PLEKHG3: variants seen among roughly 807,000 people sequenced by gnomAD.
PLEKHG3 encodes the protein pleckstrin homology domain-containing family G member 3.
In PLEKHG3, 62 loss-of-function variants were observed where a neutral mutation model predicts 94.9. The observed-to-expected ratio is 0.65, with a 90% CI of 0.53 to 0.81. PLEKHG3 has a LOEUF of 0.81. PLEKHG3 is among the 30% of genes least tolerant of loss of function. The probability of loss-of-function intolerance (pLI) is 0.00; values close to 1 mark genes in which losing one functional copy is unlikely to be tolerated. For missense variants in PLEKHG3, 1,461 were observed against 1,619.3 expected (o/e 0.90, Z 1.68); for synonymous variants, 614 against 654.0 (o/e 0.94, Z 0.93).
chr14:64,734,772 G>A (rs2081539353), intron 12 of PLEKHG3, among the ~76,000 whole-genome samples: 2 of 148,354 alleles, frequency 1.3e-5, no homozygotes, highest in South Asian at 4.3e-4. Flanking sequence ...CCAGGCTGGA[G>A]TGCAGTGGCA....
chr14:64,716,010 G>A lies in PLEKHG3; in HGVS notation c.-40+11306G>A. ...TCACCCCAAGCCTGTTAACTGCTAG[G>A]TTGCCGGTGCTGGGGACAATGCGGC... On this transcript the variant is annotated intron_variant, in intron 1 of 16. Coordinates refer to ENST00000247226, the MANE Select transcript of PLEKHG3 (RefSeq NM_001308147.2). The surrounding 1 kb of genome is among the most constrained non-coding windows in gnomAD (Gnocchi z 5.0). The A allele has an allele frequency of 4.4e-6, 2 of 456,042 alleles. No homozygotes were observed. Among genetic ancestry groups the A allele is most frequent in the South Asian group, 1.5e-5 (1 of 64,544 alleles). The allele number at this position is 456,042 out of a possible 1,614,324, so 28.2% of individuals were successfully genotyped here. A position where few individuals can be genotyped will look rare whatever the true frequency, so the allele number is the denominator to read the frequency against.
At chr14:64,729,608 C>T (rs1446966043) in intron 3 of PLEKHG3, among the ~76,000 whole-genome samples, 4 of 152,102 alleles carry the variant, frequency 2.6e-5, no homozygotes, top group African/African-American at 4.8e-5. Flanking sequence ...CAGACTCCCC[C>T]GGGAAAGTGC....
chr14:64,749,640 C>T lies in PLEKHG3; in HGVS notation c.*5937C>T, dbSNP rs1422229546. 2 of 1,613,536 alleles carry T rather than the reference C, an allele frequency of 1.2e-6. No homozygotes were observed. The highest frequency in any genetic ancestry group is 1.7e-6 in the Non-Finnish European group (2 of 1,179,918). On this transcript the variant is annotated 3_prime_UTR_variant, in exon 17 of 17. Transcript: ENST00000247226. The surrounding 1 kb of genome is among the most constrained non-coding windows in gnomAD (Gnocchi z 4.7). ...CCTTCTTAGCCAGGTCTGGGCTAGG[C>T]TGCCCGCGCTTACCTCATCCTTGCC...
In PLEKHG3 at chr14:64,743,423, G is replaced by A. The variant is rs2139400508; in HGVS notation, c.3380G>A (p.Gly1127Asp). Residue 1127 changes from glycine to aspartate, a missense_variant, in exon 17 of 17, where the codon GGC (glycine) becomes GAC (aspartate). Gly to Asp is a moderately conservative substitution (Grantham distance 94, BLOSUM62 -1). Around this residue, in one of 3 missense-constraint regions of PLEKHG3, gnomAD observed 1,201 missense variants for 1,295.5 expected, o/e 0.93. Coordinates refer to ENST00000247226, the MANE Select transcript of PLEKHG3 (RefSeq NM_001308147.2). The surrounding 1 kb of genome is among the most constrained non-coding windows in gnomAD (Gnocchi z 7.2). ...CTGCCCCAGAGCAAGCCGGATGGAG[G>A]CGAGACCCTGTATGTCACTGCAGAC... ...GPLPQSKPDG[G>D]ETLYVTADLT... is the part of the protein sequence containing the mutation. 1.9e-6 allele frequency: 3 copies of A among 1,612,266 alleles called. No homozygotes were observed. Among genetic ancestry groups the A allele is most frequent in the African/African-American group, 1.3e-5 (1 of 75,046 alleles).
rs1166300896 is a variant in PLEKHG3 at position 64,739,924 on chromosome 14, A to G, written c.1518+1069A>G. ...TACACAGACATTCAGAGCAGAGCAA[A>G]TTGGGGTGTCAAATAATAATACAAT... On this transcript the variant is annotated intron_variant, in intron 15 of 16. Transcript: ENST00000247226. This position sits in a 1 kb window ranked among gnomAD's most constrained non-coding sequence, Gnocchi z 4.1. 1.3e-5 allele frequency among the ~76,000 whole-genome samples: 2 copies of G among 152,226 alleles called. No homozygotes were observed. Among genetic ancestry groups the G allele is most frequent in the African/African-American group, 4.8e-5 (2 of 41,452 alleles).
rs2081684342 is a variant in PLEKHG3, at chr14:64,741,277, C to A, written c.1760C>A (p.Ala587Asp). 10 of 1,613,858 alleles carry A rather than the reference C, an allele frequency of 6.2e-6. No individual in the cohort carries two copies. Among genetic ancestry groups the A allele is most frequent in the Non-Finnish European group, 8.5e-6 (10 of 1,180,010 alleles). ...GAGGAAGAAGAAATGGGAGGTGCCG[C>A]CCAGGAGCCTGAGAGCCTTCTGCCA... ...SEEEEEMGGA[A>D]QEPESLLPPS... Residue 587 changes from alanine to aspartate, a missense_variant, in exon 16 of 17, where the codon GCC (alanine) becomes GAC (aspartate). Coordinates refer to ENST00000247226, the MANE Select transcript of PLEKHG3 (RefSeq NM_001308147.2).
At chr14:64,711,978 C>A (rs1342333741) in intron 1 of PLEKHG3, among the ~76,000 whole-genome samples, 2 of 152,280 alleles carry the variant, frequency 1.3e-5, no homozygotes, top group East Asian at 3.9e-4. Context: ...TTAGCTCTTA[C>A]ATTTAGGTCT....
rs894479723 is a variant in PLEKHG3 at position 64,727,542 on chromosome 14, G to C, written c.-39-51G>C. On this transcript the variant is annotated intron_variant, in intron 1 of 16. Coordinates refer to ENST00000247226, the MANE Select transcript of PLEKHG3 (RefSeq NM_001308147.2). This position sits in a 1 kb window ranked among gnomAD's most constrained non-coding sequence, Gnocchi z 6.0. ...CCCCTGGCAACCGTCCCTCTGTTCT[G>C]TTTCTGTGGGCATTCAGAGGTTGAC... 8 of 442,796 alleles carry C rather than the reference G, an allele frequency of 1.8e-5. No homozygotes were observed. The highest frequency in any genetic ancestry group is 1.7e-4 in the African/African-American group (8 of 46,348). 27.4% of individuals were successfully genotyped at this position (442,796 alleles called of 1,614,324 possible).
intron 3 of PLEKHG3, among the ~76,000 whole-genome samples, chr14:64,729,818 A>T (rs2081424921): frequency 6.6e-6 from 1 of 152,120 alleles, no homozygotes. Context: ...GGCAGGGAGC[A>T]GTGTTTCTAG....
At chr14:64,712,618 A>C (rs2081080227) in intron 1 of PLEKHG3, among the ~76,000 whole-genome samples, 1 of 152,204 alleles carries the variant, frequency 6.6e-6, no homozygotes, top group African/African-American at 2.4e-5. Flanking sequence ...ATGATTGCTC[A>C]TTGCTAGTGT....
At position 64,730,940 on chromosome 14, in the gene PLEKHG3, G is replaced by A. The variant is rs755775637; in HGVS notation, c.708G>A (p.Leu236=). 6.2e-7 allele frequency: 1 copy of A among 1,612,940 alleles called. No individual in the cohort carries two copies. The highest frequency in any genetic ancestry group is 1.7e-5 in the Admixed American group (1 of 60,022). The part of the protein sequence containing the change: ...KPVQRILKYH[L]LLQEIAKHFD... ...TCCAGCGCATCCTCAAGTACCACCT[G>A]CTGCTCCAGGTAGCCCCTCGGTCCT... The change falls in exon 6 of 17, where the codon CTG becomes CTA. Residue 236 remains leucine, a synonymous_variant. Coordinates refer to ENST00000247226, the MANE Select transcript of PLEKHG3 (RefSeq NM_001308147.2). The surrounding 1 kb of genome is among the most constrained non-coding windows in gnomAD (Gnocchi z 5.4).
At position 64,749,151 on chromosome 14, in the gene PLEKHG3, A is replaced by G. The variant is rs2081899411; in HGVS notation, c.*5448A>G. On this transcript the variant is annotated 3_prime_UTR_variant, in exon 17 of 17. Coordinates refer to ENST00000247226, the MANE Select transcript of PLEKHG3 (RefSeq NM_001308147.2). This position sits in a 1 kb window ranked among gnomAD's most constrained non-coding sequence, Gnocchi z 4.7. ...GGCGTCGGCCCAGGACACGCGGGCG[A>G]AGGCAGCTTTTGCAGTGCAGCGTGG... The G allele has an allele frequency of 2.3e-6, 2 of 858,600 alleles. No homozygotes were observed. Among genetic ancestry groups the G allele is most frequent in the African/African-American group, 3.5e-5 (2 of 57,192 alleles). 53.2% of individuals were successfully genotyped at this position (858,600 alleles called of 1,614,324 possible).
rs1172276766 is a variant in PLEKHG3 at position 64,746,111 on chromosome 14, C to T, written c.*2408C>T. 3.3e-5 allele frequency: 5 copies of T among 152,132 alleles called. No individual in the cohort carries two copies. The highest frequency in any genetic ancestry group is 9.7e-5 in the African/African-American group (4 of 41,392). 9.4% of individuals were successfully genotyped at this position (152,132 alleles called of 1,614,324 possible). On this transcript the variant is annotated 3_prime_UTR_variant, in exon 17 of 17. Coordinates refer to ENST00000247226, the MANE Select transcript of PLEKHG3 (RefSeq NM_001308147.2). This position sits in a 1 kb window ranked among gnomAD's most constrained non-coding sequence, Gnocchi z 4.9. Reference sequence around the variant, plus strand: ...TTGATCAAATGCATGAATGAGCAAGCTTTTCTTGGAGTTTGTGATGAAGCC... The same window carrying T: ...TTGATCAAATGCATGAATGAGCAAGTTTTTCTTGGAGTTTGTGATGAAGCC...
At position 64,721,419 on chromosome 14, in the gene PLEKHG3, G is replaced by A. The variant is rs987435045; in HGVS notation, c.-39-6174G>A. Among the ~76,000 whole-genome samples, 2 of 152,198 alleles carry A rather than the reference G, an allele frequency of 1.3e-5. No homozygotes were observed. Among genetic ancestry groups the A allele is most frequent in the African/African-American group, 4.8e-5 (2 of 41,452 alleles). ...CCAGGCTTTCTCCTGGAGTCCATGT[G>A]GGAGGGCTCCCCTGGCAACACAATC... On this transcript the variant is annotated intron_variant, in intron 1 of 16. Coordinates refer to ENST00000247226, the MANE Select transcript of PLEKHG3 (RefSeq NM_001308147.2). The surrounding 1 kb of genome is among the most constrained non-coding windows in gnomAD (Gnocchi z 4.3).
At chr14:64,712,562 T>G (rs1389989408) in intron 1 of PLEKHG3, among the ~76,000 whole-genome samples, 1 of 152,228 alleles carries the variant, frequency 6.6e-6, no homozygotes, top group African/African-American at 2.4e-5. Context: ...CCTAAGTATT[T>G]TATTCTTTTT....
Position 64,749,601 on chromosome 14 carries a change from T to C in PLEKHG3, c.*5898T>C. 1 of 1,611,142 alleles carries C rather than the reference T, an allele frequency of 6.2e-7. No homozygotes were observed. The highest frequency in any genetic ancestry group is 8.5e-7 in the Non-Finnish European group (1 of 1,179,528). Reference sequence around the variant, plus strand: ...GGCCTCCAGGGCAAGCGGCCTGGGGTCCTCCACCTACCCCCTTCTTAGCCA... The same window carrying C: ...GGCCTCCAGGGCAAGCGGCCTGGGGCCCTCCACCTACCCCCTTCTTAGCCA... On this transcript the variant is annotated 3_prime_UTR_variant, in exon 17 of 17. Transcript: ENST00000247226. The surrounding 1 kb of genome is among the most constrained non-coding windows in gnomAD (Gnocchi z 4.7).
intron 14 of PLEKHG3, chr14:64,737,977 T>TGGAGGAGGAGGAGGA (rs376123381): frequency 1.7e-6 from 2 of 1,195,644 alleles, no homozygotes; most frequent in Non-Finnish European, 2.2e-6. Context: ...GAGGAGGTGG[T>TGGAGGAGGAGGAGGA]GGAGGAGGAG....
chr14:64,705,428 G>A (rs1327770780), intron 1 of PLEKHG3, among the ~76,000 whole-genome samples: 2 of 152,234 alleles, frequency 1.3e-5, no homozygotes, highest in South Asian at 2.1e-4. Flanking sequence ...AGAATGGAAT[G>A]GTTGGAGGCT....
rs1566698765 is a variant in PLEKHG3, at chr14:64,723,033, G to A, written c.-39-4560G>A. Among the ~76,000 whole-genome samples the A allele has an allele frequency of 6.6e-6, 1 of 152,174 alleles. No homozygotes were observed. The highest frequency in any genetic ancestry group is 1.5e-5 in the Non-Finnish European group (1 of 68,030). ...GAATGGGGCATGGTGCTGAGGCGTAGTGGGGAGGGGAAGGATGTGGCCCCA... is the reference window on the plus strand; with the variant it reads ...GAATGGGGCATGGTGCTGAGGCGTAATGGGGAGGGGAAGGATGTGGCCCCA... On this transcript the variant is annotated intron_variant, in intron 1 of 16. Coordinates refer to ENST00000247226, the MANE Select transcript of PLEKHG3 (RefSeq NM_001308147.2). This position sits in a 1 kb window ranked among gnomAD's most constrained non-coding sequence, Gnocchi z 4.5.
Sources: gnomAD v4.1 joint callset for allele counts (sites outside exome capture counted in the v4.1 genomes callset) on GRCh38, gnomAD v4.1.1 for gene constraint, gnomAD v4.1.1 regional missense constraint, Gnocchi (gnomAD v3.1) non-coding constraint, MANE v1.5 for transcripts, NCBI Gene and HGNC (gene_info 2026-07-23, HGNC 2026-07-21) for gene names.